The following DCAF7 variants were observed in gnomAD, a reference collection of about 807,000 sequenced individuals.
DCAF7 encodes the protein DDB1 and CUL4 associated factor 7.
In DCAF7, 4 loss-of-function variants were observed where a neutral mutation model predicts 41.2. The observed-to-expected ratio is 0.10, with a 90% CI of 0.05 to 0.22. DCAF7 has a LOEUF of 0.22. DCAF7 is among the 10% of genes least tolerant of loss of function. DCAF7 has a pLI of 1.00. For synonymous variants in DCAF7, 143 were observed against 164.2 expected, an observed-to-expected ratio of 0.87 and a Z score of 0.99; for missense variants, 131 against 443.2, an observed-to-expected ratio of 0.30 and a Z score of 6.32.
Position 63,592,667 on chromosome 17 carries a change from G to A in DCAF7, c.*3495G>A, listed in dbSNP as rs1050516872. The A allele has an allele frequency of 9.8e-5, 15 of 152,346 alleles. No homozygotes were observed. Among genetic ancestry groups the A allele is most frequent in the African/African-American group, 3.6e-4 (15 of 41,554 alleles). 9.4% of individuals were successfully genotyped at this position (152,346 alleles called of 1,614,324 possible). ...TCAGACTGTCCATTGCATGGCTGTGGAGTGAGACTGCCCTTAGCCTGGGTC... is the reference window on the plus strand; with the variant it reads ...TCAGACTGTCCATTGCATGGCTGTGAAGTGAGACTGCCCTTAGCCTGGGTC... On this transcript the variant is annotated 3_prime_UTR_variant, in exon 7 of 7. Coordinates refer to ENST00000614556, the MANE Select transcript of DCAF7 (RefSeq NM_005828.5).
At chr17:63,576,873 C>T (rs2033568130) in intron 1 of DCAF7, among the ~76,000 whole-genome samples, 1 of 152,186 alleles carries the variant, frequency 6.6e-6, no homozygotes, top group African/African-American at 2.4e-5. Flanking sequence ...ACGATTGCAC[C>T]ACTGCACTCG....
rs2033601885 is a variant in DCAF7 at position 63,579,887 on chromosome 17, C to T, written c.472C>T (p.Arg158Ter). The change falls in exon 4 of 7, where the codon CGA becomes TGA. Residue 158 changes from arginine (R) to a stop codon, truncating the protein, a stop_gained. Transcript: ENST00000614556. LOFTEE classifies it high-confidence loss of function. ...WGLETGQVLGRVNLVSGHVKT... is the reference protein window; with the variant it reads ...WGLETGQVLG Reference sequence around the variant, plus strand: ...GCTGGAGACAGGGCAGGTGTTAGGGCGAGTGAATCTCGTGTCTGGCCACGT... The same window carrying T: ...GCTGGAGACAGGGCAGGTGTTAGGGTGAGTGAATCTCGTGTCTGGCCACGT... 1.2e-6 allele frequency: 2 copies of T among 1,613,840 alleles called. No homozygotes were observed. The highest frequency in any genetic ancestry group is 1.7e-6 in the Non-Finnish European group (2 of 1,179,826).
intron 1 of DCAF7, among the ~76,000 whole-genome samples, chr17:63,571,721 A>T (rs1485356686): frequency 6.6e-6 from 1 of 152,068 alleles, no homozygotes; most frequent in Non-Finnish European, 1.5e-5. Flanking sequence ...TCAAGGAAAG[A>T]TCGAATCTCA....
intron 1 of DCAF7, among the ~76,000 whole-genome samples, chr17:63,553,343 AAT>A (rs1197589001): frequency 6.6e-6 from 1 of 152,198 alleles, no homozygotes; most frequent in Non-Finnish European, 1.5e-5. Context: ...CCCCATTTGT[AAT>A]TGAAGGAAAC....
chr17:63,572,048 G>C (rs892026135), intron 1 of DCAF7, among the ~76,000 whole-genome samples: 1 of 152,110 alleles, frequency 6.6e-6, no homozygotes, highest in African/African-American at 2.4e-5. Context: ...GAGGCACTAT[G>C]GGATTAGTCA....
At chr17:63,578,439 G>T (rs1218212742) in intron 1 of DCAF7, 31 bp from the exon 2 acceptor site, 2 of 1,613,616 alleles carry the variant, frequency 1.2e-6, no homozygotes, top group Admixed American at 3.3e-5. Context: ...GCTCACAAAT[G>T]CTTATGTGGC....
At chr17:63,558,095 A>G (rs1432615147) in intron 1 of DCAF7, among the ~76,000 whole-genome samples, 4 of 151,940 alleles carry the variant, frequency 2.6e-5, no homozygotes, top group African/African-American at 9.7e-5. Flanking sequence ...GGGTTTTGCC[A>G]TGTTGCCCAG....
At chr17:63,579,999 G>A (rs1432597830) in intron 4 of DCAF7, 56 bp downstream of exon 4, 4 of 1,343,696 alleles carry the variant, frequency 3.0e-6, no homozygotes, top group Non-Finnish European at 3.2e-6. Context: ...CTTCCGCACA[G>A]GAAGAGGTCA....
chr17:63,566,962 T>TTTTC (rs138533948), intron 1 of DCAF7, among the ~76,000 whole-genome samples: 17 of 152,032 alleles, frequency 1.1e-4, no homozygotes, highest in Middle Eastern at 3.4e-3. Flanking sequence ...ATTTAAGCTT[T>TTTTC]TTTCTTTCTT....
At chr17:63,566,139 G>A (rs1465033053) in intron 1 of DCAF7, among the ~76,000 whole-genome samples, 1 of 151,292 alleles carries the variant, frequency 6.6e-6, no homozygotes, top group Non-Finnish European at 1.5e-5. Context: ...GGGAGGCCGA[G>A]GTGGGCGGAC....
At chr17:63,573,814 CT>C (rs1291259355) in intron 1 of DCAF7, among the ~76,000 whole-genome samples, 2 of 152,116 alleles carry the variant, frequency 1.3e-5, no homozygotes, top group Non-Finnish European at 2.9e-5. Flanking sequence ...CACAGTCCCT[CT>C]TGTGGCCATT....
intron 1 of DCAF7, among the ~76,000 whole-genome samples, chr17:63,559,883 G>A (rs1290891091): frequency 2.0e-5 from 3 of 152,124 alleles, no homozygotes; most frequent in Non-Finnish European, 4.4e-5. Flanking sequence ...GAGAATCTTG[G>A]TGTGAGAAAG....
In DCAF7 at chr17:63,590,796, G is replaced by A. The variant is rs955507043; in HGVS notation, c.*1624G>A. ...TCTTTGGTTCTCACCTGCTTGAGAA[G>A]TAAAACAGTAACTTTGTTCTTCTGG... On this transcript the variant is annotated 3_prime_UTR_variant, in exon 7 of 7. Transcript: ENST00000614556. 2 of 152,212 alleles carry A rather than the reference G, an allele frequency of 1.3e-5. No homozygotes were observed. The highest frequency in any genetic ancestry group is 2.9e-5 in the Non-Finnish European group (2 of 68,048). The allele number at this position is 152,212 out of a possible 1,614,324, so 9.4% of individuals were successfully genotyped here.
intron 1 of DCAF7, among the ~76,000 whole-genome samples, chr17:63,553,319 CTG>C (rs1326016084): frequency 6.6e-6 from 1 of 152,198 alleles, no homozygotes; most frequent in African/African-American, 2.4e-5. Flanking sequence ...AGTCATACCA[CTG>C]TGAGCACCTG....
intron 4 of DCAF7, among the ~76,000 whole-genome samples, chr17:63,583,230 T>C (rs2033642786): frequency 6.6e-6 from 1 of 152,188 alleles, no homozygotes; most frequent in Non-Finnish European, 1.5e-5. Flanking sequence ...GCATGTGCCT[T>C]TGTTTTATCA....
rs1400257519 is a variant in DCAF7 at position 63,594,061 on chromosome 17, CTG to C, written c.*4892_*4893del. On this transcript the variant is annotated 3_prime_UTR_variant, in exon 7 of 7. Transcript: ENST00000614556. ...CAGGGCTTGTAATAAAATTTTAACA[CTG>C]TGCTGTGAAACAACTATGGGGAATC... The C allele has an allele frequency of 6.6e-6, 1 of 152,650 alleles. No homozygotes were observed. The highest frequency in any genetic ancestry group is 2.4e-5 in the African/African-American group (1 of 41,456). The allele number at this position is 152,650 out of a possible 1,614,324, so 9.5% of individuals were successfully genotyped here. A position where few individuals can be genotyped will look rare whatever the true frequency, so the allele number is the denominator to read the frequency against.
At chr17:63,559,415 ATATACG>A (rs58755613) in intron 1 of DCAF7, among the ~76,000 whole-genome samples, 9 of 95,852 alleles carry the variant, frequency 9.4e-5, no homozygotes, top group African/African-American at 6.9e-4. Context: ...ATATGTATAT[ATATACG>A]TATATATATA....
intron 1 of DCAF7, among the ~76,000 whole-genome samples, chr17:63,566,620 A>C (rs1038847120): frequency 2.6e-5 from 4 of 152,200 alleles, no homozygotes; most frequent in African/African-American, 9.7e-5. Context: ...ATTATTGTTA[A>C]AAGCAAATTG....
At position 63,551,891 on chromosome 17, in the gene DCAF7, CAAAAAAAAAAAAAAAAAAAAAAAAAAA is replaced by C. The variant is rs529811578; in HGVS notation, c.138+1090_138+1116del. On this transcript the variant is annotated intron_variant, in intron 1 of 6. Transcript: ENST00000614556. ...GTGAAACCCCGTCTCTACTAAAATA[CAAAAAAAAAAAAAAAAAAAAAAAAAAA>C]AAAAAAAAAAAAAGCCGGGCGTAGC... Among the ~76,000 whole-genome samples, 23 of 27,296 alleles carry C rather than the reference CAAAAAAAAAAAAAAAAAAAAAAAAAAA, an allele frequency of 8.4e-4. No homozygotes were observed. In the East Asian group the frequency reaches 0.024, roughly 28 times the overall value. 17.9% of individuals were successfully genotyped at this position (27,296 alleles called of 152,430 possible). A position where few individuals can be genotyped will look rare whatever the true frequency, so the allele number is the denominator to read the frequency against.
Sources: gnomAD v4.1 joint callset for allele counts (sites outside exome capture counted in the v4.1 genomes callset) on GRCh38, gnomAD v4.1.1 for gene constraint, MANE v1.5 for transcripts, NCBI Gene and HGNC (gene_info 2026-07-23, HGNC 2026-07-21) for gene names.